The following WDR48 variants were observed in gnomAD, a reference collection of about 807,000 sequenced individuals.
WDR48 encodes WD repeat domain 48, also known as WD repeat-containing protein 48.
WDR48 carries 22 observed loss-of-function variants against 94.0 expected under a neutral mutation model. The ratio of observed to expected loss-of-function variants is 0.23; its 90% CI spans 0.17 to 0.33. The LOEUF (loss-of-function observed/expected upper bound fraction) is 0.33, where lower values mean the gene tolerates loss of function less well. Among genes scored for constraint, WDR48 ranks in the 10% least tolerant of loss-of-function variants. The probability of loss-of-function intolerance (pLI) is 1.00; values close to 1 mark genes in which losing one functional copy is unlikely to be tolerated. For missense variants in WDR48, 541 were observed against 813.8 expected (o/e 0.66, Z 4.08); for synonymous variants, 278 against 280.5 (o/e 0.99, Z 0.09).
At chr3:39,059,619 C>G (rs1006927178) in intron 1 of WDR48, among the ~76,000 whole-genome samples, 2 of 152,138 alleles carry the variant, frequency 1.3e-5, no homozygotes, top group African/African-American at 4.8e-5. Flanking sequence ...CAAACAAAAG[C>G]TGGTTTGAGT....
chr3:39,072,830 T>A (rs955526203), intron 7 of WDR48, among the ~76,000 whole-genome samples: 1 of 152,216 alleles, frequency 6.6e-6, no homozygotes, highest in African/African-American at 2.4e-5. Context: ...TACCAAATGC[T>A]GCGAAGAAGT....
rs767675193 is a variant in WDR48, at chr3:39,063,201, G to A, written c.189+11G>A. 1.1e-5 allele frequency: 18 copies of A among 1,611,752 alleles called. 1 individual carries two copies. The highest frequency in any genetic ancestry group is 1.0e-5 in the Non-Finnish European group (12 of 1,179,196). On this transcript the variant is annotated intron_variant, in intron 2 of 18. Transcript: ENST00000302313. Reference sequence around the variant, plus strand: ...GTCAATCAGCACAAGGTAATGCAGGGATTAAAATCTGTACCCAGCAAATTC... The same window carrying A: ...GTCAATCAGCACAAGGTAATGCAGGAATTAAAATCTGTACCCAGCAAATTC...
At chr3:39,077,958 A>AT in intron 9 of WDR48, 179 bp from the exon 10 acceptor site, 1 of 527,764 alleles carries the variant, frequency 1.9e-6, no homozygotes, top group Non-Finnish European at 3.4e-6. Context: ...CCTTCTTAAA[A>AT]TTTGTTTCTT....
intron 15 of WDR48, among the ~76,000 whole-genome samples, chr3:39,088,737 A>C (rs751532300): frequency 7.9e-5 from 12 of 152,180 alleles, no homozygotes; most frequent in East Asian, 1.9e-4. Flanking sequence ...GTTCACCTCC[A>C]AGTTGCTAGC....
intron 1 of WDR48, among the ~76,000 whole-genome samples, chr3:39,052,998 A>G (rs1419540070): frequency 3.3e-5 from 5 of 152,206 alleles, no homozygotes; most frequent in African/African-American, 1.2e-4. Context: ...TTGTGCACAT[A>G]TATCCTAGAA....
chr3:39,083,804 G>A (rs1389816010), intron 11 of WDR48, among the ~76,000 whole-genome samples: 6 of 152,198 alleles, frequency 3.9e-5, no homozygotes, highest in Non-Finnish European at 8.8e-5. Flanking sequence ...TCTCCATGGA[G>A]CATCAAGGAA....
intron 1 of WDR48, among the ~76,000 whole-genome samples, chr3:39,055,175 A>G (rs1305709935): frequency 6.6e-6 from 1 of 152,182 alleles, no homozygotes; most frequent in Non-Finnish European, 1.5e-5. Context: ...AACCCTTGAG[A>G]CTTAAAAATA....
chr3:39,078,455 G>A (rs542420263), intron 10 of WDR48, among the ~76,000 whole-genome samples: 6 of 151,912 alleles, frequency 3.9e-5, no homozygotes, highest in Non-Finnish European at 5.9e-5. Context: ...GTGTTGCTCT[G>A]TCACCCAGGC....
At position 39,094,433 on chromosome 3, in the gene WDR48, A is replaced by G. The variant is rs561396732; in HGVS notation, c.1939-215A>G. On this transcript the variant is annotated intron_variant, in intron 18 of 18. Transcript: ENST00000302313. ...GTATCCTCAGAGGAATGGCTGAAAG[A>G]TGGCCTGGTGTTTCTGGCATAGTCA... The G allele has an allele frequency of 4.2e-5, 64 of 1,528,004 alleles. No homozygotes were observed. The South Asian group carries it at 6.7e-4, about 16-fold the overall frequency. The allele number at this position is 1,528,004 out of a possible 1,614,324, so 94.7% of individuals were successfully genotyped here. A position where few individuals can be genotyped will look rare whatever the true frequency, so the allele number is the denominator to read the frequency against.
chr3:39,069,547 A>G lies in WDR48; in HGVS notation c.571-96A>G, dbSNP rs372645961. The G allele has an allele frequency of 7.7e-5, 85 of 1,110,228 alleles. 1 individual carries two copies. The South Asian group carries it at 1.2e-3, about 16-fold the overall frequency. 68.8% of individuals were successfully genotyped at this position (1,110,228 alleles called of 1,614,324 possible). A position where few individuals can be genotyped will look rare whatever the true frequency, so the allele number is the denominator to read the frequency against. ...GGCAGAAGTGGTATTGCCTTCTCAG[A>G]ATATAATGGTTATCATTTGACTTAT... is the stretch of plus-strand genomic sequence containing the variant. On this transcript the variant is annotated intron_variant, in intron 6 of 18. Coordinates refer to ENST00000302313, the MANE Select transcript of WDR48 (RefSeq NM_020839.4).
chr3:39,065,827 C>T lies in WDR48; in HGVS notation c.206C>T (p.Ala69Val), dbSNP rs1286646358. The T allele has an allele frequency of 1.2e-6, 2 of 1,604,100 alleles. No individual in the cohort carries two copies. Among genetic ancestry groups the T allele is most frequent in the South Asian group, 2.2e-5 (2 of 88,922 alleles). Residue 69 changes from alanine to valine, a missense_variant, in exon 3 of 19, where the codon GCA becomes GTA. Physicochemically the swap from Ala to Val is moderately conservative, Grantham distance 64 (BLOSUM62 0). Around this residue, in one of 5 missense-constraint regions of WDR48, gnomAD observed 90 missense variants for 122.3 expected, o/e 0.74. Coordinates refer to ENST00000302313, the MANE Select transcript of WDR48 (RefSeq NM_020839.4). ...VNQHKQDPYI[A>V]SMEHHTDWVN... ...TAATTTCAGCAAGATCCATATATAG[C>T]ATCTATGGAACACCATACTGATTGG...
intron 1 of WDR48, 91 bp from the exon 2 acceptor site, chr3:39,062,959 A>G (rs2033364391): frequency 6.7e-7 from 1 of 1,484,484 alleles, no homozygotes. Context: ...AAAACATGGG[A>G]TTTTCTGTTT....
chr3:39,056,092 T>C (rs1326635779), intron 1 of WDR48, among the ~76,000 whole-genome samples: 2 of 152,248 alleles, frequency 1.3e-5, no homozygotes, highest in African/African-American at 4.8e-5. Context: ...TAAGGTGACA[T>C]GTCTTGAAAC....
chr3:39,078,759 GC>G (rs1217480743), intron 10 of WDR48, among the ~76,000 whole-genome samples: 1 of 72 alleles, frequency 0.014, no homozygotes, highest in Non-Finnish European at 0.026. Context: ...TGGGCCGGGC[GC>G]GGTGGCTCGC....
chr3:39,091,757 C>T (rs1271403244), intron 17 of WDR48, 56 bp downstream of exon 17: 1 of 1,370,622 alleles, frequency 7.3e-7, no homozygotes, highest in African/African-American at 1.5e-5. Flanking sequence ...ATTCCTTTTC[C>T]TTATGATTGC....
chr3:39,079,988 TA>T (rs2034435795), intron 11 of WDR48, among the ~76,000 whole-genome samples, 180 bp downstream of exon 11: 1 of 151,676 alleles, frequency 6.6e-6, no homozygotes, highest in African/African-American at 2.4e-5. Flanking sequence ...TTTAAGTAAA[TA>T]AACTGTTTAA....
At chr3:39,080,675 A>G (rs893441408) in intron 11 of WDR48, among the ~76,000 whole-genome samples, 1 of 152,208 alleles carries the variant, frequency 6.6e-6, no homozygotes, top group Non-Finnish European at 1.5e-5. Flanking sequence ...ATAGATAAAG[A>G]AGGAACAGAT....
chr3:39,055,453 C>G (rs1359776519), intron 1 of WDR48, among the ~76,000 whole-genome samples: 1 of 152,130 alleles, frequency 6.6e-6, no homozygotes, highest in African/African-American at 2.4e-5. Context: ...CCAGTGCACT[C>G]CAGCCTGGGT....
At chr3:39,079,213 T>C (rs1027336097) in intron 10 of WDR48, among the ~76,000 whole-genome samples, 5 of 152,214 alleles carry the variant, frequency 3.3e-5, no homozygotes, top group African/African-American at 1.2e-4. Flanking sequence ...TTCTACATGC[T>C]GCTGCTGATT....
Sources: allele counts gnomAD v4.1 joint callset (sites outside exome capture counted in the v4.1 genomes callset), GRCh38; gene constraint gnomAD v4.1.1; regional missense constraint gnomAD v4.1.1; transcripts MANE v1.5; gene names NCBI Gene and HGNC (gene_info 2026-07-23, HGNC 2026-07-21).